RGS7: variants seen among roughly 807,000 people sequenced by gnomAD.
RGS7 encodes regulator of G-protein signaling 7.
A neutral mutation model predicts 81.1 loss-of-function variants in RGS7; 27 were observed. The ratio of observed to expected loss-of-function variants is 0.33; its 90% CI spans 0.25 to 0.46. The LOEUF (loss-of-function observed/expected upper bound fraction) is 0.46, where lower values mean the gene tolerates loss of function less well. RGS7 is among the 20% of genes least tolerant of loss of function. The probability of loss-of-function intolerance (pLI) is 1.00; values close to 1 mark genes in which losing one functional copy is unlikely to be tolerated. For synonymous variants in RGS7, 208 were observed against 207.7 expected, an observed-to-expected ratio of 1.00 and a Z score of -0.01; for missense variants, 396 against 607.4, an observed-to-expected ratio of 0.65 and a Z score of 3.66.
At chr1:241,106,155 A>T (rs1318813250) in intron 2 of RGS7, among the ~76,000 whole-genome samples, 2 of 152,244 alleles carry the variant, frequency 1.3e-5, no homozygotes, top group Non-Finnish European at 2.9e-5. Context: ...TCTCTAATGA[A>T]AGTTAAATTA....
At chr1:241,342,826 C>T (rs750259287) in intron 2 of RGS7, among the ~76,000 whole-genome samples, 3 of 152,148 alleles carry the variant, frequency 2.0e-5, no homozygotes, top group Non-Finnish European at 4.4e-5. Flanking sequence ...CCACTTCACA[C>T]CCATTAGGAT....
chr1:241,039,057 T>C (rs1375222365), intron 3 of RGS7, among the ~76,000 whole-genome samples: 1 of 152,060 alleles, frequency 6.6e-6, no homozygotes, highest in Non-Finnish European at 1.5e-5. Flanking sequence ...CAATGCCCAC[T>C]TCCGATGTTG....
chr1:241,156,432 G>A (rs1380654113), intron 2 of RGS7, among the ~76,000 whole-genome samples: 1 of 151,938 alleles, frequency 6.6e-6, no homozygotes, highest in African/African-American at 2.4e-5. Context: ...CAGGAGCCCA[G>A]GAGGTCAAGG....
At chr1:241,325,679 T>C (rs1057067715) in intron 2 of RGS7, among the ~76,000 whole-genome samples, 2 of 152,218 alleles carry the variant, frequency 1.3e-5, no homozygotes, top group African/African-American at 4.8e-5. Context: ...CATGACATCA[T>C]GCAGGGATTT....
intron 2 of RGS7, among the ~76,000 whole-genome samples, chr1:241,129,101 T>G (rs2066899266): frequency 6.6e-6 from 1 of 152,160 alleles, no homozygotes; most frequent in Admixed American, 6.5e-5. Context: ...GAAAAAGTTT[T>G]TAAAACAGAA....
At chr1:240,816,472 C>G in intron 10 of RGS7, 57 bp from the exon 11 acceptor site, 2 of 1,158,340 alleles carry the variant, frequency 1.7e-6, no homozygotes, top group Non-Finnish European at 2.6e-6. Flanking sequence ...CAGTCACAGA[C>G]TTTCTAAAAA....
chr1:241,185,048 T>C (rs1432248387), intron 2 of RGS7, among the ~76,000 whole-genome samples: 1 of 152,146 alleles, frequency 6.6e-6, no homozygotes, highest in Non-Finnish European at 1.5e-5. Context: ...AAAAATCAGG[T>C]AAAGTTTATT....
intron 4 of RGS7, among the ~76,000 whole-genome samples, chr1:240,952,830 T>TA (rs1476988044): frequency 2.1e-4 from 1 of 4,766 alleles, no homozygotes; most frequent in Non-Finnish European, 3.9e-3. Flanking sequence ...TCATATATGT[T>TA]AAAAGGGGGG....
chr1:241,259,667 A>AAAATATATATATACATAT, intron 2 of RGS7, among the ~76,000 whole-genome samples: 1 of 49,146 alleles, frequency 2.0e-5, no homozygotes, highest in East Asian at 6.1e-4. Flanking sequence ...AAAAAAAAAA[A>AAAATATATATATACATAT]ATATATATAT....
chr1:240,826,201 TG>T (rs1444202402), intron 10 of RGS7, among the ~76,000 whole-genome samples: 7 of 152,200 alleles, frequency 4.6e-5, no homozygotes, highest in Non-Finnish European at 8.8e-5. Flanking sequence ...GCATCCGAAT[TG>T]GTTTTGTGGT....
At chr1:241,174,030 A>G (rs1358706068) in intron 2 of RGS7, among the ~76,000 whole-genome samples, 1 of 152,226 alleles carries the variant, frequency 6.6e-6, no homozygotes, top group African/African-American at 2.4e-5. Context: ...GAGTTTGACC[A>G]GTCAAAGATG....
chr1:240,898,588 C>T (rs771685946), intron 6 of RGS7, among the ~76,000 whole-genome samples: 14 of 152,112 alleles, frequency 9.2e-5, no homozygotes, highest in Admixed American at 3.3e-4. Flanking sequence ...TGTAGTTGAG[C>T]GCTTTTGAGT....
intron 2 of RGS7, among the ~76,000 whole-genome samples, chr1:241,280,643 G>A (rs1288523549): frequency 6.6e-6 from 1 of 152,156 alleles, no homozygotes; most frequent in Non-Finnish European, 1.5e-5. Flanking sequence ...GACTACAGGT[G>A]TACATCACCA....
At chr1:240,846,776 A>G (rs1402617328) in intron 9 of RGS7, among the ~76,000 whole-genome samples, 1 of 152,182 alleles carries the variant, frequency 6.6e-6, no homozygotes, top group African/African-American at 2.4e-5. Context: ...AGGTTTTGAC[A>G]TGGGGCTATC....
intron 4 of RGS7, among the ~76,000 whole-genome samples, chr1:240,965,140 T>C (rs1291246284): frequency 6.6e-6 from 1 of 152,238 alleles, no homozygotes; most frequent in East Asian, 1.9e-4. Flanking sequence ...TATTTTCTTA[T>C]TCTCATATGT....
chr1:241,322,712 G>A lies in RGS7; in HGVS notation c.78+32987C>T, dbSNP rs1451166498. Among the ~76,000 whole-genome samples the A allele has an allele frequency of 7.9e-5, 12 of 152,292 alleles. No individual in the cohort carries two copies. In the East Asian group the frequency reaches 2.3e-3, roughly 29 times the overall value. Reference sequence around the variant, plus strand: ...ATTTGAGGGTCCTATGGCATAGAATGATAAGTACCAACATGGTTACTACTG... The same window carrying A: ...ATTTGAGGGTCCTATGGCATAGAATAATAAGTACCAACATGGTTACTACTG... On this transcript the variant is annotated intron_variant, in intron 2 of 18. Transcript: ENST00000440928.
At chr1:240,787,002 T>G (rs1483830468) in intron 18 of RGS7, among the ~76,000 whole-genome samples, 1 of 152,198 alleles carries the variant, frequency 6.6e-6, no homozygotes, top group East Asian at 1.9e-4. Flanking sequence ...TTCTGGCACA[T>G]TCTGTCAAAT....
At chr1:241,108,605 C>T (rs1316755701) in intron 2 of RGS7, among the ~76,000 whole-genome samples, 1 of 152,130 alleles carries the variant, frequency 6.6e-6, no homozygotes, top group African/African-American at 2.4e-5. Flanking sequence ...AGCCTCGTGG[C>T]TAATTTTTAT....
intron 2 of RGS7, among the ~76,000 whole-genome samples, chr1:241,300,173 G>A (rs901242551): frequency 6.6e-6 from 1 of 151,592 alleles, no homozygotes. Flanking sequence ...TAAGTGGAAA[G>A]TACAGTTTCC....
Sources: allele counts gnomAD v4.1 joint callset (sites outside exome capture counted in the v4.1 genomes callset), GRCh38; gene constraint gnomAD v4.1.1; transcripts MANE v1.5; gene names NCBI Gene and HGNC (gene_info 2026-07-23, HGNC 2026-07-21).